The following CLMN variants were observed in gnomAD, a reference collection of about 807,000 sequenced individuals.
CLMN encodes calmin (calponin-like, transmembrane).
In CLMN, 57 loss-of-function variants were observed where a neutral mutation model predicts 92.7. The observed-to-expected ratio is 0.61, with a 90% CI of 0.50 to 0.77. The LOEUF (loss-of-function observed/expected upper bound fraction) is 0.77, where lower values mean the gene tolerates loss of function less well. Among genes scored for constraint, CLMN ranks in the 30% least tolerant of loss-of-function variants. The pLI is 0.00. For missense variants in CLMN, 1,158 were observed against 1,237.5 expected (o/e 0.94, Z 0.96); for synonymous variants, 466 against 470.6 (o/e 0.99, Z 0.13).
intron 8 of CLMN, among the ~76,000 whole-genome samples, chr14:95,207,959 G>A (rs1205873087): frequency 3.9e-5 from 6 of 152,214 alleles, no homozygotes; most frequent in African/African-American, 1.4e-4. Flanking sequence ...ATAGCTGAGT[G>A]ACTATGGAGA....
chr14:95,209,734 T>C (rs1897142038), intron 7 of CLMN, among the ~76,000 whole-genome samples: 1 of 152,228 alleles, frequency 6.6e-6, no homozygotes. Flanking sequence ...CTTGCTGTTT[T>C]AGTCCCTTCC....
chr14:95,276,909 G>A (rs1899951973), intron 1 of CLMN, among the ~76,000 whole-genome samples: 1 of 151,610 alleles, frequency 6.6e-6, no homozygotes, highest in East Asian at 1.9e-4. Context: ...AAAATTGAGA[G>A]GTTTTTGCCT....
At chr14:95,266,570 C>T (rs1170870556) in intron 1 of CLMN, among the ~76,000 whole-genome samples, 1 of 152,134 alleles carries the variant, frequency 6.6e-6, no homozygotes, top group Non-Finnish European at 1.5e-5. Flanking sequence ...GAAAGATATT[C>T]CATGTTCATG....
chr14:95,225,812 C>A (rs1334060565), intron 2 of CLMN, among the ~76,000 whole-genome samples: 1 of 152,142 alleles, frequency 6.6e-6, no homozygotes, highest in African/African-American at 2.4e-5. Flanking sequence ...GCCAGAAGCC[C>A]CCTGGGCTTT....
In CLMN at chr14:95,203,567, A is replaced by G. The variant is rs1375146962; in HGVS notation, c.1782T>C (p.Asp594=). ...PSPHETKPDE[D]AEAFENHAEK... ...CAGCATGATTCTCAAAAGCCTCAGCATCCTCGTCAGGTTTTGTCTCATGAG... is the reference window on the plus strand; with the variant it reads ...CAGCATGATTCTCAAAAGCCTCAGCGTCCTCGTCAGGTTTTGTCTCATGAG... Residue 594 remains aspartate, a synonymous_variant, in exon 9 of 13, where the codon GAT becomes GAC. Transcript: ENST00000298912. 2 of 1,614,054 alleles carry G rather than the reference A, an allele frequency of 1.2e-6. No homozygotes were observed. The highest frequency in any genetic ancestry group is 1.7e-6 in the Non-Finnish European group (2 of 1,180,040).
intron 1 of CLMN, among the ~76,000 whole-genome samples, chr14:95,252,108 G>T (rs921910238): frequency 1.3e-5 from 2 of 152,164 alleles, no homozygotes; most frequent in Non-Finnish European, 2.9e-5. Context: ...TCTCCAAGGG[G>T]CCGGAAATTA....
chr14:95,234,949 T>C (rs1206227006), intron 1 of CLMN, among the ~76,000 whole-genome samples: 1 of 152,190 alleles, frequency 6.6e-6, no homozygotes, highest in Non-Finnish European at 1.5e-5. Flanking sequence ...TACATATTGA[T>C]AATATTTCTG....
At chr14:95,280,966 C>T (rs954945835) in intron 1 of CLMN, among the ~76,000 whole-genome samples, 6 of 152,200 alleles carry the variant, frequency 3.9e-5, no homozygotes, top group East Asian at 3.8e-4. Context: ...TATCTTGTTT[C>T]AATCCTCTTT....
At chr14:95,237,649 C>T (rs1898102356) in intron 1 of CLMN, among the ~76,000 whole-genome samples, 1 of 152,216 alleles carries the variant, frequency 6.6e-6, no homozygotes, top group Non-Finnish European at 1.5e-5. Context: ...CCCCAGGTGT[C>T]ATTTCCCAAG....
In CLMN at chr14:95,294,572, G is replaced by A. The variant is rs186565226; in HGVS notation, c.82+25139C>T. 7.2e-5 allele frequency among the ~76,000 whole-genome samples: 11 copies of A among 152,346 alleles called. 1 individual carries two copies. In the East Asian group the frequency reaches 2.1e-3, roughly 29 times the overall value. ...CTTCCGAGTCACATGATCTTGGGAAGTTACCTCCTGGTCTCTACCTTGTAG... is the reference window on the plus strand; with the variant it reads ...CTTCCGAGTCACATGATCTTGGGAAATTACCTCCTGGTCTCTACCTTGTAG... On this transcript the variant is annotated intron_variant, in intron 1 of 12. Coordinates refer to ENST00000298912, the MANE Select transcript of CLMN (RefSeq NM_024734.4). This position sits in a 1 kb window ranked among gnomAD's most constrained non-coding sequence, Gnocchi z 4.2.
In CLMN at chr14:95,187,930, C is replaced by T. The variant is rs1896478281; in HGVS notation, c.*3634G>A. ...CCAAGTGCTCATGGGGACTTCTGCC[C>T]AGATGGGACACCATTTTTGAAACCA... On this transcript the variant is annotated 3_prime_UTR_variant, in exon 13 of 13. Transcript: ENST00000298912. 6.6e-6 allele frequency: 1 copy of T among 152,242 alleles called. No homozygotes were observed. The allele number at this position is 152,242 out of a possible 1,614,324, so 9.4% of individuals were successfully genotyped here.
At chr14:95,311,756 C>A (rs536597926) in intron 1 of CLMN, among the ~76,000 whole-genome samples, 46 of 152,270 alleles carry the variant, frequency 3.0e-4, no homozygotes, top group African/African-American at 1.0e-3. Context: ...CATGGCCCCC[C>A]ACCACATGCT....
intron 5 of CLMN, among the ~76,000 whole-genome samples, chr14:95,214,378 C>T (rs932021579): frequency 1.4e-4 from 16 of 118,170 alleles, no homozygotes; most frequent in Admixed American, 4.3e-4. Context: ...GAGACAGGAT[C>T]TCATTCTGTT....
chr14:95,238,635 G>A (rs1210874421), intron 1 of CLMN, among the ~76,000 whole-genome samples: 1 of 152,100 alleles, frequency 6.6e-6, no homozygotes, highest in East Asian at 1.9e-4. Context: ...AAATTCTTGG[G>A]CTCCTCCACC....
intron 3 of CLMN, among the ~76,000 whole-genome samples, chr14:95,223,345 A>C (rs139973685): frequency 6.3e-4 from 96 of 152,326 alleles, no homozygotes; most frequent in Middle Eastern, 3.4e-3. Context: ...CAGCTGGCTC[A>C]ACTTCAGTCA....
In CLMN at chr14:95,204,190, C is replaced by T. The variant is rs776081056; in HGVS notation, c.1159G>A (p.Val387Ile). 5 of 1,613,986 alleles carry T rather than the reference C, an allele frequency of 3.1e-6. No homozygotes were observed. The highest frequency in any genetic ancestry group is 4.5e-5 in the East Asian group (2 of 44,900). Residue 387 changes from valine (V) to isoleucine (I), a missense_variant, in exon 9 of 13, where the codon GTC becomes ATC. Transcript: ENST00000298912. The part of the protein sequence containing the change: ...TEFMHQIIDQ[V>I]LQGGPGKTSD... ...GTCTTACCTGGGCCCCCTTGCAGGACCTGGTCAATAATCTGGTGCATGAAC... is the reference window on the plus strand; with the variant it reads ...GTCTTACCTGGGCCCCCTTGCAGGATCTGGTCAATAATCTGGTGCATGAAC...
intron 2 of CLMN, among the ~76,000 whole-genome samples, chr14:95,224,144 G>A (rs778665357): frequency 6.6e-6 from 1 of 152,202 alleles, no homozygotes; most frequent in Non-Finnish European, 1.5e-5. Context: ...CAGACCCCAC[G>A]TTTAGATCAC....
intron 1 of CLMN, among the ~76,000 whole-genome samples, chr14:95,245,796 T>TTGGATGGA (rs150318487): frequency 0.2 from 27,904 of 140,156 alleles, 3,492 homozygotes; most frequent in African/African-American, 0.36. Flanking sequence ...GGTTGGATTA[T>TTGGATGGA]TGGATGGATG....
intron 1 of CLMN, among the ~76,000 whole-genome samples, chr14:95,258,150 T>G (rs188784394): frequency 2.1e-4 from 32 of 151,806 alleles, no homozygotes; most frequent in African/African-American, 7.7e-4. Context: ...GGATATGATA[T>G]GCGTGTAGTG....
Sources: allele counts gnomAD v4.1 joint callset (sites outside exome capture counted in the v4.1 genomes callset), GRCh38; gene constraint gnomAD v4.1.1; non-coding constraint Gnocchi (gnomAD v3.1); transcripts MANE v1.5; gene names NCBI Gene and HGNC (gene_info 2026-07-23, HGNC 2026-07-21).